The following SAMD9 variants were observed in gnomAD, a reference collection of about 807,000 sequenced individuals.
The protein encoded by SAMD9 is sterile alpha motif domain containing 9, also known as sterile alpha motif domain-containing protein 9.
SAMD9 carries 3 observed loss-of-function variants against 1.5 expected under a neutral mutation model. The ratio of observed to expected loss-of-function variants is 2.05; its 90% CI spans 0.93 to 5.29. The LOEUF (loss-of-function observed/expected upper bound fraction) is 5.29. Ranked by LOEUF, SAMD9 falls within the 30% of genes most tolerant of loss-of-function variation. The probability of loss-of-function intolerance (pLI) is 0.02; values close to 1 mark genes in which losing one functional copy is unlikely to be tolerated. For missense variants in SAMD9, 1,597 were observed against 1,820.8 expected, an observed-to-expected ratio of 0.88 and a Z score of 2.24; for synonymous variants, 635 against 631.9, an observed-to-expected ratio of 1.00 and a Z score of -0.07.
Position 93,104,936 on chromosome 7 carries a change from C to CT in SAMD9, c.1161dup (p.Glu388ArgfsTer9), listed in dbSNP as rs758937883. On this transcript the variant is annotated frameshift_variant, in exon 3 of 3. Coordinates refer to ENST00000379958, the MANE Select transcript of SAMD9 (RefSeq NM_017654.4). LOFTEE classifies it low-confidence loss of function (END_TRUNC). The stretch of plus-strand genomic sequence containing the variant: ...TTAACCAACTTTGGTCCCTCTCTTT[C>CT]TTTTTTATTTGTTTTTGCTCTGAAT... 3.7e-6 allele frequency: 6 copies of CT among 1,610,854 alleles called. No individual in the cohort carries two copies. The East Asian group carries it at 8.9e-5, about 24-fold the overall frequency.
chr7:93,112,230 A>T (rs1791758025), intron 2 of SAMD9, among the ~76,000 whole-genome samples: 1 of 152,248 alleles, frequency 6.6e-6, no homozygotes, highest in African/African-American at 2.4e-5. Flanking sequence ...ATAGATGCAG[A>T]AAATGCCTTT....
intron 2 of SAMD9, among the ~76,000 whole-genome samples, chr7:93,108,529 G>A (rs1409914656): frequency 6.6e-6 from 1 of 152,096 alleles, no homozygotes; most frequent in African/African-American, 2.4e-5. Flanking sequence ...AGCTCAAGGG[G>A]TCGGAGAATT....
At position 93,102,978 on chromosome 7, in the gene SAMD9, G is replaced by A. The variant is rs769042496; in HGVS notation, c.3120C>T (p.Arg1040=). The stretch of plus-strand genomic sequence containing the variant: ...TTCCTGTTTCACCTTCATGTTCATC[G>A]CGGTGTCTTGTGAGTAGGAGTGTGT... ...DMHTLLLTRH[R]DEHEGETGNW... The change falls in exon 3 of 3, where the codon CGC becomes CGT. Residue 1040 remains arginine, a synonymous_variant. Transcript: ENST00000379958. 7.4e-6 allele frequency: 12 copies of A among 1,613,764 alleles called. No homozygotes were observed. Among genetic ancestry groups the A allele is most frequent in the South Asian group, 4.4e-5 (4 of 91,076 alleles).
chr7:93,108,376 T>A (rs1363073449), intron 2 of SAMD9, among the ~76,000 whole-genome samples: 2 of 152,170 alleles, frequency 1.3e-5, no homozygotes, highest in East Asian at 3.9e-4. Flanking sequence ...AGTCTACAGA[T>A]CCCAGTGTGA....
At position 93,103,970 on chromosome 7, in the gene SAMD9, T is replaced by A; in HGVS notation, c.2128A>T (p.Lys710Ter). Residue 710 changes from lysine (K) to a stop codon, truncating the protein, a stop_gained, in exon 3 of 3, where the codon AAA becomes TAA. Coordinates refer to ENST00000379958, the MANE Select transcript of SAMD9 (RefSeq NM_017654.4). LOFTEE classifies it low-confidence loss of function (END_TRUNC). The stretch of plus-strand genomic sequence containing the variant: ...ATCATTGCTTCAAGTCTTTCATATT[T>A]ATCCCTTTTGACAAAAGGTGAAGAA... Reference protein sequence around the residue: ...SYSSPFVKRDKYERLEAMIQN... With the variant: ...SYSSPFVKRD 6.2e-7 allele frequency: 1 copy of A among 1,613,604 alleles called. No individual in the cohort carries two copies. Among genetic ancestry groups the A allele is most frequent in the Non-Finnish European group, 8.5e-7 (1 of 1,179,668 alleles).
rs1791588387 is a variant in SAMD9 at position 93,104,183 on chromosome 7, T to C, written c.1915A>G (p.Thr639Ala). ...TCTTCTTCCTTTTTCAGAAGGACAGTCGATAAACCAATAGATGGCAAAAGC... is the reference window on the plus strand; with the variant it reads ...TCTTCTTCCTTTTTCAGAAGGACAGCCGATAAACCAATAGATGGCAAAAGC... ...KRLLPSIGLS[T>A]VLLKKEEDIM... is the part of the protein sequence containing the mutation. Residue 639 changes from threonine to alanine, a missense_variant, in exon 3 of 3, where the codon ACT (threonine) becomes GCT (alanine). By Grantham distance (58) the Thr-to-Ala change is moderately conservative. Around this residue, in one of 6 missense-constraint regions of SAMD9, gnomAD observed 358 missense variants for 460.4 expected, o/e 0.78. Coordinates refer to ENST00000379958, the MANE Select transcript of SAMD9 (RefSeq NM_017654.4). 1.2e-6 allele frequency: 2 copies of C among 1,613,944 alleles called. No homozygotes were observed. The highest frequency in any genetic ancestry group is 2.2e-5 in the East Asian group (1 of 44,874).
chr7:93,117,258 TTTGTTGTTGTTG>T (rs201142138), intron 1 of SAMD9, among the ~76,000 whole-genome samples: 8 of 150,614 alleles, frequency 5.3e-5, no homozygotes, highest in Middle Eastern at 3.4e-3. Context: ...TATCTTTCCG[TTTGTTGTTGTTG>T]TTGTTGTTGT....
At chr7:93,111,032 T>C (rs1200652654) in intron 2 of SAMD9, among the ~76,000 whole-genome samples, 1 of 152,050 alleles carries the variant, frequency 6.6e-6, no homozygotes, top group South Asian at 2.1e-4. Context: ...CGCACTTATT[T>C]CAAAATTGAC....
In SAMD9 at chr7:93,105,544, GT is replaced by G; in HGVS notation, c.553del (p.Thr185GlnfsTer29). The G allele has an allele frequency of 6.2e-7, 1 of 1,614,082 alleles. No homozygotes were observed. Among genetic ancestry groups the G allele is most frequent in the Non-Finnish European group, 8.5e-7 (1 of 1,179,994 alleles). On this transcript the variant is annotated frameshift_variant, in exon 3 of 3. Coordinates refer to ENST00000379958, the MANE Select transcript of SAMD9 (RefSeq NM_017654.4). LOFTEE classifies it low-confidence loss of function (END_TRUNC). The part of the protein sequence containing the change: ...YKLDFSLQPE[T>X]GPGNLIDPIH... ...CGGATCAATGAGATTGCCTGGTCCT[GT>G]TTCAGGCTGTAGACTAAAATCCAAC...
intron 2 of SAMD9, among the ~76,000 whole-genome samples, chr7:93,114,239 G>A (rs1584260335): frequency 1.4e-5 from 2 of 143,684 alleles, no homozygotes; most frequent in East Asian, 2.1e-4. Context: ...TCACAGGTGG[G>A]AACTGAACAA....
chr7:93,104,738 C>T lies in SAMD9; in HGVS notation c.1360G>A (p.Ala454Thr), dbSNP rs117649834. The T allele has an allele frequency of 0.05, 80,090 of 1,613,786 alleles. 3,040 individuals carry two copies. Among genetic ancestry groups the T allele is most frequent in the South Asian group, 0.18 (16,760 of 91,062 alleles). Residue 454 changes from alanine to threonine, a missense_variant, in exon 3 of 3, where the codon GCT (alanine) becomes ACT (threonine). By Grantham distance (58) the Ala-to-Thr change is moderately conservative (BLOSUM62 0). This residue lies in a region of SAMD9 where 358 missense variants were observed against 460.4 expected (regional missense o/e 0.78). Coordinates refer to ENST00000379958, the MANE Select transcript of SAMD9 (RefSeq NM_017654.4). Reference sequence around the variant, plus strand: ...TTTGCTACTCGGCTTTCTTTGTAAGCTTTGACCACTCCATTGATGTTAGAC... The same window carrying T: ...TTTGCTACTCGGCTTTCTTTGTAAGTTTTGACCACTCCATTGATGTTAGAC... ...PESNINGVVK[A>T]YKESRVANLH...
chr7:93,100,231 A>T lies in SAMD9; in HGVS notation c.*1097T>A, dbSNP rs577465152. 7.9e-5 allele frequency: 12 copies of T among 152,160 alleles called. No homozygotes were observed. The highest frequency in any genetic ancestry group is 3.9e-4 in the East Asian group (2 of 5,176). 9.4% of individuals were successfully genotyped at this position (152,160 alleles called of 1,614,324 possible). ...GTGGTGGTGTTAGTAGGATTTTTTT[A>T]AAATTTCTTTTGAATTGCAAATAAG... On this transcript the variant is annotated 3_prime_UTR_variant, in exon 3 of 3. Coordinates refer to ENST00000379958, the MANE Select transcript of SAMD9 (RefSeq NM_017654.4).
rs983174904 is a variant in SAMD9 at position 93,105,212 on chromosome 7, T to A, written c.886A>T (p.Asn296Tyr). 1 of 1,613,818 alleles carries A rather than the reference T, an allele frequency of 6.2e-7. No homozygotes were observed. The highest frequency in any genetic ancestry group is 1.7e-5 in the Admixed American group (1 of 59,982). The stretch of plus-strand genomic sequence containing the variant: ...ACAAATCTGTCAGATAGAGTACTAT[T>A]TGGCAGTAAAACTTCCACAAATCTT... Reference protein sequence around the residue: ...EPRFVEVLLPNSTLSDRFVIE... With the variant: ...EPRFVEVLLPYSTLSDRFVIE... The change falls in exon 3 of 3, where the codon AAT (asparagine) becomes TAT (tyrosine). Residue 296 changes from asparagine to tyrosine, a missense_variant. Around this residue, in one of 6 missense-constraint regions of SAMD9, gnomAD observed 498 missense variants for 457.4 expected, o/e 1.09. Coordinates refer to ENST00000379958, the MANE Select transcript of SAMD9 (RefSeq NM_017654.4).
At position 93,101,602 on chromosome 7, in the gene SAMD9, T is replaced by C. The variant is rs775609244; in HGVS notation, c.4496A>G (p.Asp1499Gly). The change falls in exon 3 of 3, where the codon GAC (aspartate) becomes GGC (glycine). Residue 1499 changes from aspartate (D) to glycine (G), a missense_variant. Around this residue, in one of 6 missense-constraint regions of SAMD9, gnomAD observed 682 missense variants for 810.0 expected, o/e 0.84. Coordinates refer to ENST00000379958, the MANE Select transcript of SAMD9 (RefSeq NM_017654.4). ...LERLVHKGKIDQCFKKTPDIN... is the reference protein window; with the variant it reads ...LERLVHKGKIGQCFKKTPDIN... ...ATCTGGTGTCTTCTTAAAGCACTGG[T>C]CAATTTTTCCTTTGTGAACAAGTCT... 23 of 1,613,804 alleles carry C rather than the reference T, an allele frequency of 1.4e-5. No individual in the cohort carries two copies. In the Admixed American group the frequency reaches 3.8e-4, roughly 27 times the overall value.
chr7:93,108,555 G>T lies in SAMD9; in HGVS notation c.-8-2450C>A, dbSNP rs574584130. On this transcript the variant is annotated intron_variant, in intron 2 of 2. Transcript: ENST00000379958. ...TCGGAGAATTCCCTTTCCTAGCCAA[G>T]GGAAGCCATGACTGACGGTACTTGG... 2.6e-5 allele frequency among the ~76,000 whole-genome samples: 4 copies of T among 152,304 alleles called. No homozygotes were observed. The South Asian group carries it at 8.3e-4, about 32-fold the overall frequency.
rs1791518664 is a variant in SAMD9, at chr7:93,101,033, C to G, written c.*295G>C. The G allele has an allele frequency of 2.5e-6, 1 of 407,886 alleles. No homozygotes were observed. Among genetic ancestry groups the G allele is most frequent in the Non-Finnish European group, 4.5e-6 (1 of 223,012 alleles). The allele number at this position is 407,886 out of a possible 1,614,324, so 25.3% of individuals were successfully genotyped here. ...AAGTAGTGGGGTTCTGTGTAGCCAG[C>G]TTATTACACTAACTTCTCCTGACTC... On this transcript the variant is annotated 3_prime_UTR_variant, in exon 3 of 3. Coordinates refer to ENST00000379958, the MANE Select transcript of SAMD9 (RefSeq NM_017654.4).
rs974875258 is a variant in SAMD9, at chr7:93,105,987, A to C, written c.111T>G (p.Thr37=). The change falls in exon 3 of 3, where the codon ACT becomes ACG. Residue 37 remains threonine, a synonymous_variant. Transcript: ENST00000379958. ...KIDQKHREIL[T]EQDVNGAVLK... is the part of the protein sequence containing the mutation. ...AGACTGCTCCATTCACGTCTTGTTC[A>C]GTCAAAATTTCCCTGTGTTTTTGGT... The C allele has an allele frequency of 1.4e-5, 23 of 1,594,710 alleles. No homozygotes were observed. The highest frequency in any genetic ancestry group is 2.7e-5 in the African/African-American group (2 of 73,782).
In SAMD9 at chr7:93,105,228, C is replaced by G; in HGVS notation, c.870G>C (p.Val290=). Residue 290 remains valine, a synonymous_variant, in exon 3 of 3, where the codon GTG becomes GTC. Coordinates refer to ENST00000379958, the MANE Select transcript of SAMD9 (RefSeq NM_017654.4). ...AKKCIREPRF[V]EVLLPNSTLS... ...GAGTACTATTTGGCAGTAAAACTTC[C>G]ACAAATCTTGGCTCTCGAATGCACT... 1 of 1,613,820 alleles carries G rather than the reference C, an allele frequency of 6.2e-7. No individual in the cohort carries two copies.
chr7:93,115,063 C>A (rs59001408), intron 1 of SAMD9, among the ~76,000 whole-genome samples, 168 bp from the exon 2 acceptor site: 8 of 152,028 alleles, frequency 5.3e-5, no homozygotes, highest in African/African-American at 1.9e-4. Context: ...CTTGGCCTAC[C>A]GGGAGGAGGA....
Sources: allele counts gnomAD v4.1 joint callset (sites outside exome capture counted in the v4.1 genomes callset), GRCh38; gene constraint gnomAD v4.1.1; regional missense constraint gnomAD v4.1.1; transcripts MANE v1.5; gene names NCBI Gene and HGNC (gene_info 2026-07-23, HGNC 2026-07-21).